The following ACBD6 variants were observed in gnomAD, a reference collection of about 807,000 sequenced individuals.
The protein encoded by ACBD6 is acyl-CoA binding domain containing 6.
A neutral mutation model predicts 37.2 loss-of-function variants in ACBD6; 28 were observed. The ratio of observed to expected loss-of-function variants is 0.75; its 90% CI spans 0.56 to 1.03. The LOEUF is 1.03. Among genes scored for constraint, ACBD6 ranks in the 50% least tolerant of loss-of-function variants. ACBD6 has a pLI of 0.00. For synonymous variants in ACBD6, 113 were observed against 126.8 expected (o/e 0.89, Z 0.73); for missense variants, 340 against 337.4 (o/e 1.01, Z -0.06).
At chr1:180,369,628 A>C (rs562979662) in intron 6 of ACBD6, among the ~76,000 whole-genome samples, 2 of 152,288 alleles carry the variant, frequency 1.3e-5, no homozygotes, top group East Asian at 3.9e-4. Context: ...TGTTAAAATA[A>C]AAAAAATTTC....
chr1:180,451,514 G>A (rs902922563), intron 3 of ACBD6, among the ~76,000 whole-genome samples: 1 of 152,100 alleles, frequency 6.6e-6, no homozygotes, highest in African/African-American at 2.4e-5. Context: ...ACAAAATGTG[G>A]CATATCCATA....
At chr1:180,348,205 G>A (rs1403472599) in intron 6 of ACBD6, among the ~76,000 whole-genome samples, 1 of 152,174 alleles carries the variant, frequency 6.6e-6, no homozygotes, top group African/African-American at 2.4e-5. Flanking sequence ...GCCTTTTAAT[G>A]CTCCTTTTGG....
chr1:180,398,278 G>T (rs1654340504), intron 5 of ACBD6, among the ~76,000 whole-genome samples: 1 of 152,046 alleles, frequency 6.6e-6, no homozygotes, highest in African/African-American at 2.4e-5. Flanking sequence ...TAAATATAAA[G>T]TATAGTTTTC....
At chr1:180,449,548 C>T (rs1649614894) in intron 3 of ACBD6, among the ~76,000 whole-genome samples, 1 of 151,808 alleles carries the variant, frequency 6.6e-6, no homozygotes, top group Non-Finnish European at 1.5e-5. Flanking sequence ...GCTGGGATTA[C>T]AGGTGCCCGC....
intron 6 of ACBD6, among the ~76,000 whole-genome samples, chr1:180,323,701 T>C (rs1203276601): frequency 2.6e-5 from 4 of 152,250 alleles, no homozygotes; most frequent in African/African-American, 9.6e-5. Flanking sequence ...TTTTGTCTGA[T>C]ATAACTATAG....
At chr1:180,487,968 A>G (rs753550080) in intron 3 of ACBD6, among the ~76,000 whole-genome samples, 39 of 152,264 alleles carry the variant, frequency 2.6e-4, no homozygotes, top group Middle Eastern at 3.4e-3. Flanking sequence ...CTTGGAACGT[A>G]TCCCCTGATA....
chr1:180,278,713 G>GCAAT (rs1354340816), intron 9 of ACBD6: 11 of 151,754 alleles, frequency 7.2e-5, no homozygotes, highest in African/African-American at 2.7e-4. Context: ...CTCTGAGCTT[G>GCAAT]CAATCAGACC....
At chr1:180,307,089 G>C (rs1424657579) in intron 7 of ACBD6, among the ~76,000 whole-genome samples, 2 of 152,186 alleles carry the variant, frequency 1.3e-5, no homozygotes, top group Non-Finnish European at 2.9e-5. Flanking sequence ...CAATAGCCAA[G>C]ATTTGGAAGC....
At chr1:180,439,453 T>C (rs1649192235) in intron 3 of ACBD6, among the ~76,000 whole-genome samples, 1 of 152,102 alleles carries the variant, frequency 6.6e-6, no homozygotes, top group Non-Finnish European at 1.5e-5. Flanking sequence ...TAGCTGGGCA[T>C]GGTGGTGGGC....
chr1:180,293,018 T>G (rs1460611956), intron 7 of ACBD6, among the ~76,000 whole-genome samples: 2 of 152,238 alleles, frequency 1.3e-5, no homozygotes, highest in Admixed American at 1.3e-4. Context: ...GTTCATATGG[T>G]GAAATACTAT....
chr1:180,338,539 A>G (rs1358273341), intron 6 of ACBD6, among the ~76,000 whole-genome samples: 4 of 152,256 alleles, frequency 2.6e-5, no homozygotes, highest in African/African-American at 9.6e-5. Flanking sequence ...AAGATGGATT[A>G]AAGACTTAAA....
chr1:180,435,068 TGA>T, intron 3 of ACBD6: 1 of 818,566 alleles, frequency 1.2e-6, no homozygotes, highest in Non-Finnish European at 2.2e-6. Context: ...AGCTTGCACA[TGA>T]TCTGAAGCTT....
intron 13 of ACBD6, among the ~76,000 whole-genome samples, chr1:180,272,261 C>T (rs1365312191): frequency 6.6e-6 from 1 of 152,138 alleles, no homozygotes; most frequent in African/African-American, 2.4e-5. Context: ...CAAGGTCTCC[C>T]CTCCCCTCCT....
intron 5 of ACBD6, among the ~76,000 whole-genome samples, chr1:180,398,713 T>A (rs1212390294): frequency 1.3e-5 from 2 of 152,200 alleles, no homozygotes; most frequent in Non-Finnish European, 2.9e-5. Context: ...CCTACTTGGT[T>A]CAAAAGAATA....
intron 6 of ACBD6, among the ~76,000 whole-genome samples, chr1:180,347,714 G>A (rs900806911): frequency 6.6e-6 from 1 of 152,206 alleles, no homozygotes; most frequent in African/African-American, 2.4e-5. Context: ...GCTCACGTCT[G>A]TAATCCCAGC....
chr1:180,473,566 A>AT (rs1245511761), intron 3 of ACBD6, among the ~76,000 whole-genome samples: 2 of 152,230 alleles, frequency 1.3e-5, no homozygotes, highest in African/African-American at 4.8e-5. Flanking sequence ...CAAAATTTTA[A>AT]TATCCCAAAA....
At chr1:180,395,882 G>A (rs980601705) in intron 6 of ACBD6, among the ~76,000 whole-genome samples, 3 of 152,074 alleles carry the variant, frequency 2.0e-5, no homozygotes, top group South Asian at 4.1e-4. Flanking sequence ...ATTCATAATC[G>A]CCAAAAGGTA....
At chr1:180,415,298 G>A (rs1648040212) in intron 4 of ACBD6, among the ~76,000 whole-genome samples, 1 of 151,802 alleles carries the variant, frequency 6.6e-6, no homozygotes, top group African/African-American at 2.4e-5. Context: ...TCAGGAGGCT[G>A]AGGCAGGAGA....
intron 7 of ACBD6, among the ~76,000 whole-genome samples, chr1:180,313,500 C>A (rs1650671859): frequency 6.6e-6 from 1 of 152,150 alleles, no homozygotes; most frequent in African/African-American, 2.4e-5. Context: ...GATTTTTTAG[C>A]TTGGGATTTT....
Sources: allele counts gnomAD v4.1 joint callset (sites outside exome capture counted in the v4.1 genomes callset), GRCh38; gene constraint gnomAD v4.1.1; transcripts MANE v1.5; gene names NCBI Gene and HGNC (gene_info 2026-07-23, HGNC 2026-07-21).